The following RAD18 variants were observed in gnomAD, a reference collection of about 807,000 sequenced individuals.
The protein encoded by RAD18 is RAD18 E3 ubiquitin protein ligase.
A neutral mutation model predicts 60.4 loss-of-function variants in RAD18; 47 were observed. The ratio of observed to expected loss-of-function variants is 0.78; its 90% CI spans 0.62 to 0.99. The LOEUF (loss-of-function observed/expected upper bound fraction) is 0.99, where lower values mean the gene tolerates loss of function less well. Ranked by LOEUF, RAD18 falls within the 50% of genes least tolerant of loss-of-function variation. The pLI, the probability that RAD18 is intolerant of heterozygous loss-of-function variation, is 0.00. For missense variants in RAD18, 640 were observed against 593.3 expected (o/e 1.08, Z -0.82); for synonymous variants, 225 against 195.5 (o/e 1.15, Z -1.26).
At chr3:8,946,629 C>G (rs566960819) in intron 4 of RAD18, among the ~76,000 whole-genome samples, 155 of 152,180 alleles carry the variant, frequency 1.0e-3, no homozygotes, top group Non-Finnish European at 1.7e-3. Context: ...AGTTGCATAT[C>G]TGAGCTTTAT....
At chr3:8,924,695 A>G (rs1366534400) in intron 7 of RAD18, among the ~76,000 whole-genome samples, 1 of 132,396 alleles carries the variant, frequency 7.6e-6, no homozygotes, top group Non-Finnish European at 1.6e-5. Context: ...AAGAACAGAA[A>G]TTATAACAAA....
chr3:8,913,338 A>G (rs1940135822), intron 8 of RAD18, among the ~76,000 whole-genome samples: 1 of 152,210 alleles, frequency 6.6e-6, no homozygotes, highest in Non-Finnish European at 1.5e-5. Flanking sequence ...AGAGGTCCTT[A>G]GAGGTAGCTT....
intron 4 of RAD18, among the ~76,000 whole-genome samples, chr3:8,945,349 C>T (rs887884075): frequency 7.2e-5 from 11 of 151,948 alleles, no homozygotes; most frequent in Admixed American, 6.6e-4. Context: ...AACAAGAGAC[C>T]AAATACACAG....
At chr3:8,956,272 C>A (rs371886181) in intron 2 of RAD18, among the ~76,000 whole-genome samples, 7 of 152,158 alleles carry the variant, frequency 4.6e-5, no homozygotes, top group African/African-American at 1.7e-4. Context: ...GTAAAATAAG[C>A]GCTACTTGAC....
rs887727566 is a variant in RAD18 at position 8,878,637 on chromosome 3, C to T, written c.*2720G>A. Reference sequence around the variant, plus strand: ...AAGGCATACCTCCCTCTATTATATACATGGTCTTATGTGTATGAATTCTTT... The same window carrying T: ...AAGGCATACCTCCCTCTATTATATATATGGTCTTATGTGTATGAATTCTTT... On this transcript the variant is annotated 3_prime_UTR_variant, in exon 13 of 13. Coordinates refer to ENST00000264926, the MANE Select transcript of RAD18 (RefSeq NM_020165.4). The T allele has an allele frequency of 6.6e-6, 1 of 152,158 alleles. No individual in the cohort carries two copies. The highest frequency in any genetic ancestry group is 1.5e-5 in the Non-Finnish European group (1 of 68,026). The allele number at this position is 152,158 out of a possible 1,614,324, so 9.4% of individuals were successfully genotyped here.
In RAD18 at chr3:8,958,922, T is replaced by G. The variant is rs1941053830; in HGVS notation, c.131A>C (p.Asn44Thr). The part of the protein sequence containing the change: ...IAMIIPQCSH[N>T]YCSLCIRKFL... ...TCACAGGAACAAAACATACTTACAG[T>G]TATGTGAACACTGAGGTATTATCAT... The change falls in exon 2 of 13, where the codon AAC becomes ACC. Residue 44 changes from asparagine (N) to threonine (T), a missense_variant and splice_region_variant. Asn to Thr is a moderately conservative substitution (Grantham distance 65). Coordinates refer to ENST00000264926, the MANE Select transcript of RAD18 (RefSeq NM_020165.4). The G allele has an allele frequency of 6.2e-7, 1 of 1,609,824 alleles. No homozygotes were observed. Among genetic ancestry groups the G allele is most frequent in the African/African-American group, 1.3e-5 (1 of 74,936 alleles).
intron 7 of RAD18, among the ~76,000 whole-genome samples, chr3:8,933,390 C>A (rs1452145459): frequency 6.6e-6 from 1 of 152,108 alleles, no homozygotes; most frequent in Non-Finnish European, 1.5e-5. Flanking sequence ...TCAGTTAGAG[C>A]AATGGCTAAA....
chr3:8,957,217 A>T (rs1195654998), intron 2 of RAD18, among the ~76,000 whole-genome samples: 1 of 152,246 alleles, frequency 6.6e-6, no homozygotes, highest in East Asian at 1.9e-4. Flanking sequence ...TCATACACTG[A>T]AGACTCGGCA....
At chr3:8,940,558 A>G (rs954875332) in intron 5 of RAD18, among the ~76,000 whole-genome samples, 2 of 152,240 alleles carry the variant, frequency 1.3e-5, no homozygotes, top group Non-Finnish European at 2.9e-5. Flanking sequence ...TGGTATGGGT[A>G]TACCAAAGAT....
intron 2 of RAD18, among the ~76,000 whole-genome samples, chr3:8,952,953 A>T (rs1374384584): frequency 6.6e-6 from 1 of 152,134 alleles, no homozygotes; most frequent in East Asian, 1.9e-4. Context: ...CATAAGCCAA[A>T]ATGTATTTAA....
At chr3:8,942,199 G>A (rs948267362) in intron 4 of RAD18, among the ~76,000 whole-genome samples, 4 of 152,134 alleles carry the variant, frequency 2.6e-5, no homozygotes, top group East Asian at 1.9e-4. Flanking sequence ...TCATGAGGGC[G>A]AATTTCTCAT....
Position 8,914,710 on chromosome 3 carries a change from G to A in RAD18, c.890-990C>T, listed in dbSNP as rs984413962. Among the ~76,000 whole-genome samples the A allele has an allele frequency of 2.6e-5, 4 of 152,140 alleles. No homozygotes were observed. The East Asian group carries it at 7.7e-4, about 29-fold the overall frequency. ...AACAATCTCTCTGTGAAGATGACCA[G>A]CTAGTGGTTCTCTCCTTTCCAAAAT... On this transcript the variant is annotated intron_variant, in intron 7 of 12. Transcript: ENST00000264926.
At chr3:8,912,579 A>C (rs1940122777) in intron 8 of RAD18, 1 of 340,492 alleles carries the variant, frequency 2.9e-6, no homozygotes, top group African/African-American at 2.1e-5. Context: ...ATTTTTTCTC[A>C]TCAGTAGAAA....
intron 11 of RAD18, among the ~76,000 whole-genome samples, chr3:8,898,002 G>T (rs984555728): frequency 2.6e-5 from 4 of 152,082 alleles, no homozygotes; most frequent in Non-Finnish European, 5.9e-5. Flanking sequence ...AACCTGGGAG[G>T]TGGAGGTTGC....
At chr3:8,961,604 G>A (rs1187540490) in intron 1 of RAD18, among the ~76,000 whole-genome samples, 1 of 152,182 alleles carries the variant, frequency 6.6e-6, no homozygotes, top group Non-Finnish European at 1.5e-5. Flanking sequence ...CTTTGTGCCT[G>A]GAAGAGTTCA....
chr3:8,915,760 T>G (rs1940189608), intron 7 of RAD18, among the ~76,000 whole-genome samples: 1 of 152,004 alleles, frequency 6.6e-6, no homozygotes, highest in Non-Finnish European at 1.5e-5. Flanking sequence ...ATTTTCTGTA[T>G]TTTTAGTAGA....
intron 6 of RAD18, among the ~76,000 whole-genome samples, chr3:8,937,133 C>A (rs1346134091): frequency 6.6e-6 from 1 of 152,176 alleles, no homozygotes; most frequent in Non-Finnish European, 1.5e-5. Flanking sequence ...ACCCATCTGA[C>A]TCTACAAGGT....
In RAD18 at chr3:8,883,110, G is replaced by T. The variant is rs139807248; in HGVS notation, c.1386-1651C>A. ...AAGAGAAAAAGGAGTATGTGAGGGG[G>T]TGCACATAGAATAGAGCAGCCAAGA... On this transcript the variant is annotated intron_variant, in intron 12 of 12. Coordinates refer to ENST00000264926, the MANE Select transcript of RAD18 (RefSeq NM_020165.4). Among the ~76,000 whole-genome samples, 329 of 152,302 alleles carry T rather than the reference G, an allele frequency of 2.2e-3. 1 individual carries two copies. The highest frequency in any genetic ancestry group is 7.3e-3 in the African/African-American group (304 of 41,542).
chr3:8,883,254 G>A (rs1427860042), intron 12 of RAD18, among the ~76,000 whole-genome samples: 4 of 152,060 alleles, frequency 2.6e-5, no homozygotes, highest in Middle Eastern at 3.2e-3. Context: ...TTCTAAAAAC[G>A]TTGAAACACT....
Sources: gnomAD v4.1 joint callset for allele counts (sites outside exome capture counted in the v4.1 genomes callset) on GRCh38, gnomAD v4.1.1 for gene constraint, MANE v1.5 for transcripts, NCBI Gene and HGNC (gene_info 2026-07-23, HGNC 2026-07-21) for gene names.